MICAL2: variants seen among roughly 807,000 people sequenced by gnomAD.
The protein encoded by MICAL2 is [F-actin]-monooxygenase MICAL2.
MICAL2 carries 77 observed loss-of-function variants against 127.3 expected under a neutral mutation model. The ratio of observed to expected loss-of-function variants is 0.60; its 90% CI spans 0.50 to 0.73. The LOEUF (loss-of-function observed/expected upper bound fraction) is 0.73. Among genes scored for constraint, MICAL2 ranks in the 30% least tolerant of loss-of-function variants. The pLI is 0.00. For missense variants in MICAL2, 1,351 were observed against 1,434.4 expected, an observed-to-expected ratio of 0.94 and a Z score of 0.94; for synonymous variants, 570 against 551.1, an observed-to-expected ratio of 1.03 and a Z score of -0.48.
chr11:12,226,963 T>A, intron 14 of MICAL2, 62 bp from the exon 15 acceptor site: 1 of 1,345,956 alleles, frequency 7.4e-7, no homozygotes, highest in Non-Finnish European at 1.1e-6. Context: ...AACACCTCCT[T>A]GTTATAGCCA....
chr11:12,300,755 T>C (rs894146028), intron 29 of MICAL2, among the ~76,000 whole-genome samples: 1 of 152,148 alleles, frequency 6.6e-6, no homozygotes, highest in Non-Finnish European at 1.5e-5. Flanking sequence ...ATTGCAGCCT[T>C]ATAAGACCCT....
At chr11:12,167,239 C>CTGCTGGTG (rs373222610) in intron 3 of MICAL2, among the ~76,000 whole-genome samples, 23,653 of 152,098 alleles carry the variant, frequency 0.16, 2,296 homozygotes, top group Admixed American at 0.21. Flanking sequence ...CTCTTGTCAC[C>CTGCTGGTG]AGCAGGAATC....
chr11:12,195,196 G>T (rs1192998781), intron 3 of MICAL2, among the ~76,000 whole-genome samples: 1 of 152,224 alleles, frequency 6.6e-6, no homozygotes, highest in Non-Finnish European at 1.5e-5. Context: ...GTTCGAGGCT[G>T]CAGTGAGCCG....
At chr11:12,139,663 TG>T (rs1852160659) in intron 2 of MICAL2, among the ~76,000 whole-genome samples, 1 of 152,142 alleles carries the variant, frequency 6.6e-6, no homozygotes, top group African/African-American at 2.4e-5. Flanking sequence ...TCTTAGTATC[TG>T]GGGAAAGACC....
chr11:12,294,811 T>TCCTCCC (rs769778469), downstream of MICAL2: 3,581 of 1,499,374 alleles, frequency 2.4e-3, 5 homozygotes, highest in Middle Eastern at 0.016. Context: ...CTCCTCCTCC[T>TCCTCCC]CCTCCTCCTC....
At chr11:12,234,121 G>A (rs1483346037) in intron 15 of MICAL2, among the ~76,000 whole-genome samples, 9 of 152,136 alleles carry the variant, frequency 5.9e-5, no homozygotes, top group Non-Finnish European at 8.8e-5. Flanking sequence ...AGTCTTCTTA[G>A]GAGCTGCTGG....
chr11:12,264,258 A>G (rs1488648741), downstream of MICAL2, among the ~76,000 whole-genome samples: 1 of 152,144 alleles, frequency 6.6e-6, no homozygotes, highest in East Asian at 1.9e-4. Context: ...GTAAGTAGGA[A>G]GGACTGGGCA....
At chr11:12,358,649 T>C (rs16911190), downstream of MICAL2, 32,341 of 539,096 alleles carry the variant, frequency 0.06, 4,216 homozygotes, top group African/African-American at 0.38. Flanking sequence ...TTCCCAAGGT[T>C]CTTCCAGAGA....
rs374348795 is a variant in MICAL2 at position 12,242,640 on chromosome 11, T to G, written c.2557-31T>G. 3 of 1,590,840 alleles carry G rather than the reference T, an allele frequency of 1.9e-6. No individual in the cohort carries two copies. In the African/African-American group the frequency reaches 4.0e-5, roughly 21 times the overall value. ...GTCTCAGTCTCTGTCACTATCTCTC[T>G]TTTCTTTCTCCTTTCTCACCTTCAC... is the stretch of plus-strand genomic sequence containing the variant. On this transcript the variant is annotated intron_variant, in intron 19 of 27. Coordinates refer to ENST00000683283, the MANE Select transcript of MICAL2 (RefSeq NM_001282663.2).
At chr11:12,117,543 G>A (rs1850139280) in intron 1 of MICAL2, among the ~76,000 whole-genome samples, 1 of 152,226 alleles carries the variant, frequency 6.6e-6, no homozygotes, top group South Asian at 2.1e-4. Flanking sequence ...ATAGTGTGTT[G>A]GAGCCAGGAT....
At chr11:12,126,441 T>C (rs1272245016) in intron 1 of MICAL2, among the ~76,000 whole-genome samples, 1 of 152,110 alleles carries the variant, frequency 6.6e-6, no homozygotes, top group African/African-American at 2.4e-5. Flanking sequence ...CATAGGCCCA[T>C]GGTGAGGTTT....
chr11:12,251,577 TAAAAAA>T (rs536942703), intron 22 of MICAL2, among the ~76,000 whole-genome samples: 11 of 93,840 alleles, frequency 1.2e-4, no homozygotes, highest in Non-Finnish European at 2.0e-4. Flanking sequence ...CATTTCACTT[TAAAAAA>T]AAAAAAAAAA....
chr11:12,180,174 G>A (rs1336111781), intron 3 of MICAL2, among the ~76,000 whole-genome samples: 2 of 152,022 alleles, frequency 1.3e-5, no homozygotes, highest in East Asian at 3.9e-4. Context: ...TGTCTACTTG[G>A]CCTTTTTCAG....
Position 12,110,973 on chromosome 11 carries a change from C to G in MICAL2, c.-149+247C>G, listed in dbSNP as rs896123382. On this transcript the variant is annotated intron_variant, in intron 1 of 27. Transcript: ENST00000683283. The surrounding 1 kb of genome is among the most constrained non-coding windows in gnomAD (Gnocchi z 4.5). ...ACGCAATAAAAGCCTCCCACCGGCA[C>G]GCCGAACTACCTCTTACTCCGCTCC... Among the ~76,000 whole-genome samples, 1 of 152,192 alleles carries G rather than the reference C, an allele frequency of 6.6e-6. No individual in the cohort carries two copies. The highest frequency in any genetic ancestry group is 6.5e-5 in the Admixed American group (1 of 15,286).
intron 3 of MICAL2, among the ~76,000 whole-genome samples, chr11:12,193,548 G>A (rs2134040680): frequency 6.6e-6 from 1 of 152,278 alleles, no homozygotes; most frequent in South Asian, 2.1e-4. Flanking sequence ...TGCCAGTAGA[G>A]GATTCAAGTG....
chr11:12,347,352 G>A (rs890478046), intron 32 of MICAL2, among the ~76,000 whole-genome samples: 1 of 152,150 alleles, frequency 6.6e-6, no homozygotes, highest in Non-Finnish European at 1.5e-5. Flanking sequence ...GATCCAAAGA[G>A]TATCTAATGA....
At chr11:12,314,645 A>ATTTTT (rs545442574) in intron 29 of MICAL2, among the ~76,000 whole-genome samples, 4,861 of 123,022 alleles carry the variant, frequency 0.04, 226 homozygotes, top group African/African-American at 0.082. Flanking sequence ...TGCCCAGCTA[A>ATTTTT]TTTTTTTTTT....
In MICAL2 at chr11:12,236,191, C is replaced by G. The variant is rs538593214; in HGVS notation, c.2010C>G (p.Thr670=). ...RKRTPRVDGQ[T]GENDMNKRRR... is the part of the protein sequence containing the mutation. ...GGCCATTGCAGGTGGATGGTCAAAC[C>G]GGAGAGAATGACATGAACAAACGGA... is the stretch of plus-strand genomic sequence containing the variant. Residue 670 remains threonine (T), a synonymous_variant, in exon 16 of 28, where the codon ACC becomes ACG. Transcript: ENST00000683283. The G allele has an allele frequency of 1.4e-5, 22 of 1,614,046 alleles. No homozygotes were observed. The South Asian group carries it at 2.3e-4, about 17-fold the overall frequency.
At chr11:12,159,358 C>T (rs1854529458) in intron 2 of MICAL2, among the ~76,000 whole-genome samples, 1 of 152,174 alleles carries the variant, frequency 6.6e-6, no homozygotes, top group African/African-American at 2.4e-5. Flanking sequence ...AACTGATTTA[C>T]AAGACTATTT....
Sources: gnomAD v4.1 joint callset for allele counts (sites outside exome capture counted in the v4.1 genomes callset) on GRCh38, gnomAD v4.1.1 for gene constraint, Gnocchi (gnomAD v3.1) non-coding constraint, MANE v1.5 for transcripts, NCBI Gene and HGNC (gene_info 2026-07-23, HGNC 2026-07-21) for gene names.